NEBL: variants seen among roughly 807,000 people sequenced by gnomAD.
NEBL encodes the protein LIM and SH3 protein 2.
A neutral mutation model predicts 140.2 loss-of-function variants in NEBL; 122 were observed. That is an observed-to-expected ratio of 0.87 (90% CI 0.75 to 1.01). The LOEUF (loss-of-function observed/expected upper bound fraction) is 1.01. Among genes scored for constraint, NEBL ranks in the 50% least tolerant of loss-of-function variants. NEBL has a pLI of 0.00. For synonymous variants in NEBL, 436 were observed against 398.9 expected (o/e 1.09, Z -1.11); for missense variants, 1,365 against 1,231.3 (o/e 1.11, Z -1.62).
intron 3 of NEBL, among the ~76,000 whole-genome samples, chr10:20,986,507 C>A (rs1398960672): frequency 6.6e-6 from 1 of 152,176 alleles, no homozygotes; most frequent in Non-Finnish European, 1.5e-5. Context: ...GGTTTGCCAG[C>A]CTTCCAATGC....
intron 26 of NEBL, among the ~76,000 whole-genome samples, chr10:20,796,854 T>A (rs1423962372): frequency 6.6e-6 from 1 of 152,210 alleles, no homozygotes; most frequent in African/African-American, 2.4e-5. Context: ...ATAGAGTCTT[T>A]AATAATTATT....
chr10:21,180,025 T>C (rs888640770), intron 3 of NEBL, among the ~76,000 whole-genome samples: 2 of 151,896 alleles, frequency 1.3e-5, no homozygotes, highest in Non-Finnish European at 2.9e-5. Context: ...TAATCCTAGA[T>C]ACTCAGGAAG....
chr10:20,949,952 T>C (rs1274807775), intron 4 of NEBL, among the ~76,000 whole-genome samples: 2 of 152,236 alleles, frequency 1.3e-5, no homozygotes, highest in African/African-American at 2.4e-5. Context: ...TTGAAATCAA[T>C]GATTCAGTGA....
At chr10:20,797,740 A>G (rs1488998252) in intron 26 of NEBL, among the ~76,000 whole-genome samples, 1 of 152,170 alleles carries the variant, frequency 6.6e-6, no homozygotes, top group Non-Finnish European at 1.5e-5. Flanking sequence ...TAAGAACTTG[A>G]CAGACAGAAC....
chr10:21,077,470 G>A (rs1564502965), intron 2 of NEBL, among the ~76,000 whole-genome samples: 1 of 152,070 alleles, frequency 6.6e-6, no homozygotes, highest in Non-Finnish European at 1.5e-5. Flanking sequence ...AGCCAGGCAT[G>A]GTGGCAGGTG....
At chr10:21,251,311 C>T (rs1456897420) in intron 2 of NEBL, among the ~76,000 whole-genome samples, 1 of 152,190 alleles carries the variant, frequency 6.6e-6, no homozygotes, top group Non-Finnish European at 1.5e-5. Context: ...CCTCATCCCT[C>T]TTGGTAGCTG....
chr10:20,881,985 G>C (rs1233922441), intron 4 of NEBL, among the ~76,000 whole-genome samples: 1 of 152,096 alleles, frequency 6.6e-6, no homozygotes, highest in African/African-American at 2.4e-5. Flanking sequence ...AGAGAGACTT[G>C]CTCACGACAA....
At chr10:20,804,654 T>A (rs59565983) in intron 26 of NEBL, 9 of 152,038 alleles carry the variant, frequency 5.9e-5, no homozygotes, top group African/African-American at 1.4e-4. Context: ...GGGGGAACAG[T>A]GTGTGCAAAA....
intron 4 of NEBL, among the ~76,000 whole-genome samples, chr10:20,959,945 C>T (rs921960469): frequency 2.0e-5 from 3 of 151,742 alleles, no homozygotes; most frequent in South Asian, 4.2e-4. Flanking sequence ...GGGTATTTTG[C>T]ATAATTAAGA....
chr10:21,211,598 T>C (rs978435285), intron 3 of NEBL, among the ~76,000 whole-genome samples: 3 of 152,178 alleles, frequency 2.0e-5, no homozygotes, highest in African/African-American at 7.2e-5. Flanking sequence ...CCTTTAAAGA[T>C]CTTGCTTCCC....
At chr10:21,042,463 T>C (rs1834317150) in intron 2 of NEBL, among the ~76,000 whole-genome samples, 1 of 152,246 alleles carries the variant, frequency 6.6e-6, no homozygotes, top group East Asian at 1.9e-4. Context: ...GTTAAATCAA[T>C]GGTAATATAA....
At position 21,281,972 on chromosome 10, in the gene NEBL, A is replaced by G. The variant is rs117672041; in HGVS notation, n.182+10858T>C. Reference sequence around the variant, plus strand: ...TAATACACGTGAAGGTACAACAAACAAAAGATGCAATTGTTTTAAAAGTTT... The same window carrying G: ...TAATACACGTGAAGGTACAACAAACGAAAGATGCAATTGTTTTAAAAGTTT... On this transcript the variant is annotated intron_variant and non_coding_transcript_variant, in intron 1 of 8. Transcript: ENST00000675702. Among the ~76,000 whole-genome samples the G allele has an allele frequency of 5.0e-3, 763 of 152,368 alleles. 1 individual carries two copies. Among genetic ancestry groups the G allele is most frequent in the Middle Eastern group, 0.01 (3 of 294 alleles).
chr10:21,093,992 T>C (rs1474839636), intron 2 of NEBL, among the ~76,000 whole-genome samples: 1 of 152,198 alleles, frequency 6.6e-6, no homozygotes, highest in Non-Finnish European at 1.5e-5. Flanking sequence ...TAGAAAACTA[T>C]ATTTATCTGT....
chr10:21,097,800 C>A (rs1288513286), intron 2 of NEBL, among the ~76,000 whole-genome samples: 1 of 152,182 alleles, frequency 6.6e-6, no homozygotes, highest in Non-Finnish European at 1.5e-5. Context: ...TGAAACACGA[C>A]AGGAACCGCC....
chr10:21,061,269 A>ATTACGTATTATGTGATATGTAACATG (rs1835268904), intron 2 of NEBL, among the ~76,000 whole-genome samples: 5 of 114,442 alleles, frequency 4.4e-5, no homozygotes, highest in Admixed American at 9.0e-5. Context: ...TATGTAACAT[A>ATTACGTATTATGTGATATGTAACATG]TTACATATTA....
At chr10:21,179,867 A>G (rs7086268), upstream of NEBL, among the ~76,000 whole-genome samples, 58,541 of 151,866 alleles carry the variant, frequency 0.39, 14,791 homozygotes, top group East Asian at 0.73. Context: ...GCTGGGAGGG[A>G]TGGCTCACAC....
chr10:20,783,463 T>C lies in NEBL; in HGVS notation c.*2284A>G, dbSNP rs1249399095. The C allele has an allele frequency of 2.0e-5, 3 of 152,214 alleles. No homozygotes were observed. The highest frequency in any genetic ancestry group is 2.9e-5 in the Non-Finnish European group (2 of 68,038). 9.4% of individuals were successfully genotyped at this position (152,214 alleles called of 1,614,324 possible). On this transcript the variant is annotated 3_prime_UTR_variant, in exon 28 of 28. Coordinates refer to ENST00000377122, the MANE Select transcript of NEBL (RefSeq NM_006393.3). ...GAAGCTTAAAATTTTAGGAGACTTA[T>C]TCCTCAAATATGTATTGACTTTTAT...
At chr10:20,968,568 G>GGGAT (rs1385746926) in intron 3 of NEBL, among the ~76,000 whole-genome samples, 1 of 152,050 alleles carries the variant, frequency 6.6e-6, no homozygotes, top group East Asian at 1.9e-4. Context: ...GAAGTTCAAG[G>GGGAT]GGATGCGTCG....
intron 2 of NEBL, among the ~76,000 whole-genome samples, chr10:21,250,812 G>C (rs1400028682): frequency 1.3e-5 from 2 of 152,040 alleles, no homozygotes; most frequent in East Asian, 1.9e-4. Flanking sequence ...AGAATCACTT[G>C]AACCCAGAAG....
Sources: gnomAD v4.1 joint callset for allele counts (sites outside exome capture counted in the v4.1 genomes callset) on GRCh38, gnomAD v4.1.1 for gene constraint, MANE v1.5 for transcripts, NCBI Gene and HGNC (gene_info 2026-07-23, HGNC 2026-07-21) for gene names.